The following SNX1 variants were observed in gnomAD, a reference collection of about 807,000 sequenced individuals.
SNX1 encodes sorting nexin-1.
Under a neutral mutation model 71.8 loss-of-function variants are expected in SNX1, and 36 were observed. That is an observed-to-expected ratio of 0.50 (90% CI 0.38 to 0.66). The LOEUF (loss-of-function observed/expected upper bound fraction) is 0.66. SNX1 is among the 30% of genes least tolerant of loss of function. SNX1 has a pLI of 0.00. For synonymous variants in SNX1, 254 were observed against 240.7 expected, an observed-to-expected ratio of 1.06 and a Z score of -0.51; for missense variants, 612 against 646.7, an observed-to-expected ratio of 0.95 and a Z score of 0.58.
rs564651032 is a variant in SNX1 at position 64,137,729 on chromosome 15, C to T, written c.*111C>T. 6 of 1,556,138 alleles carry T rather than the reference C, an allele frequency of 3.9e-6. No homozygotes were observed. The highest frequency in any genetic ancestry group is 5.2e-6 in the Non-Finnish European group (6 of 1,145,732). ...ATCCTGCCTAGGCTGGACTTAACCCCTTCCTCCCTGTCCCCACGACCAACT... is the reference window on the plus strand; with the variant it reads ...ATCCTGCCTAGGCTGGACTTAACCCTTTCCTCCCTGTCCCCACGACCAACT... On this transcript the variant is annotated 3_prime_UTR_variant, in exon 15 of 15. Coordinates refer to ENST00000559844, the MANE Select transcript of SNX1 (RefSeq NM_003099.5).
chr15:64,137,704 A>C lies in SNX1; in HGVS notation c.*86A>C. The C allele has an allele frequency of 6.2e-7, 1 of 1,600,398 alleles. No individual in the cohort carries two copies. The highest frequency in any genetic ancestry group is 8.5e-7 in the Non-Finnish European group (1 of 1,171,562). On this transcript the variant is annotated 3_prime_UTR_variant, in exon 15 of 15. Transcript: ENST00000559844. ...CACCTTGATGGACCCCTAGTGATGC[A>C]TCCTGCCTAGGCTGGACTTAACCCC...
At chr15:64,118,617 C>T (rs72755086) in intron 3 of SNX1, among the ~76,000 whole-genome samples, 171 bp from the exon 4 acceptor site, 4,652 of 152,254 alleles carry the variant, frequency 0.031, 104 homozygotes, top group Non-Finnish European at 0.05. Flanking sequence ...TAAGCTGGCT[C>T]CTAATTTAAA....
At position 64,096,079 on chromosome 15, in the gene SNX1, G is replaced by A. The variant is rs752282471; in HGVS notation, c.66G>A (p.Glu22=). 3.2e-6 allele frequency: 5 copies of A among 1,576,738 alleles called. No homozygotes were observed. In the South Asian group the frequency reaches 5.8e-5, roughly 18 times the overall value. Residue 22 remains glutamate, a synonymous_variant, in exon 1 of 15, where the codon GAG becomes GAA. Coordinates refer to ENST00000559844, the MANE Select transcript of SNX1 (RefSeq NM_003099.5). The part of the protein sequence containing the change: ...ERLPPPFPGL[E]PESEGAAGGS... Reference sequence around the variant, plus strand: ...TGCCTCCGCCCTTCCCCGGCCTGGAGCCGGAGTCCGAGGGGGCGGCCGGGG... The same window carrying A: ...TGCCTCCGCCCTTCCCCGGCCTGGAACCGGAGTCCGAGGGGGCGGCCGGGG...
Position 64,136,352 on chromosome 15 carries a change from A to G in SNX1, c.1388A>G (p.Tyr463Cys). Reference protein sequence around the residue: ...ILEWESRVTQYERDFERISTV... With the variant: ...ILEWESRVTQCERDFERISTV... ...CAGTGGGAGTCTCGGGTGACTCAATATGAAAGGGACTTCGAGAGGATTTCA... is the reference window on the plus strand; with the variant it reads ...CAGTGGGAGTCTCGGGTGACTCAATGTGAAAGGGACTTCGAGAGGATTTCA... Residue 463 changes from tyrosine (Y) to cysteine (C), a missense_variant, in exon 13 of 15, where the codon TAT (tyrosine) becomes TGT (cysteine). Transcript: ENST00000559844. 1.2e-6 allele frequency: 2 copies of G among 1,614,100 alleles called. No homozygotes were observed. The highest frequency in any genetic ancestry group is 2.2e-5 in the East Asian group (1 of 44,884).
chr15:64,125,141 C>T (rs62024174), intron 5 of SNX1, among the ~76,000 whole-genome samples: 11,293 of 152,144 alleles, frequency 0.074, 1,314 homozygotes, highest in African/African-American at 0.25. Flanking sequence ...AGTTTGGCTG[C>T]TGTAATTCCA....
chr15:64,105,891 T>C (rs2081016014), intron 1 of SNX1, among the ~76,000 whole-genome samples: 1 of 152,216 alleles, frequency 6.6e-6, no homozygotes, highest in Admixed American at 6.5e-5. Flanking sequence ...ATCTCAGAAG[T>C]TCTTTACCTT....
intron 11 of SNX1, among the ~76,000 whole-genome samples, chr15:64,132,661 C>T (rs925775461): frequency 6.6e-5 from 10 of 152,320 alleles, no homozygotes; most frequent in Admixed American, 2.6e-4. Flanking sequence ...TCCTTGATTT[C>T]GCTTGGGATC....
chr15:64,096,099 C>G lies in SNX1; in HGVS notation c.86C>G (p.Ala29Gly). 1 of 1,565,860 alleles carries G rather than the reference C, an allele frequency of 6.4e-7. No individual in the cohort carries two copies. Among genetic ancestry groups the G allele is most frequent in the African/African-American group, 1.3e-5 (1 of 74,260 alleles). ...CTGGAGCCGGAGTCCGAGGGGGCGG[C>G]CGGGGGATCAGAACCCGAGGCTGGG... is the stretch of plus-strand genomic sequence containing the variant. ...PGLEPESEGA[A>G]GGSEPEAGDS... The change falls in exon 1 of 15, where the codon GCC (alanine) becomes GGC (glycine). Residue 29 changes from alanine (A) to glycine (G), a missense_variant. Around this residue, in one of 2 missense-constraint regions of SNX1, gnomAD observed 316 missense variants for 284.9 expected, o/e 1.11. Transcript: ENST00000559844.
intron 1 of SNX1, among the ~76,000 whole-genome samples, chr15:64,097,042 C>G (rs1229330506): frequency 6.6e-6 from 1 of 152,252 alleles, no homozygotes; most frequent in Non-Finnish European, 1.5e-5. Flanking sequence ...GCAAGGGGCT[C>G]AAGAGCCCAC....
chr15:64,106,712 C>A (rs865971305), intron 1 of SNX1, among the ~76,000 whole-genome samples: 1 of 152,030 alleles, frequency 6.6e-6, no homozygotes, highest in East Asian at 1.9e-4. Flanking sequence ...ATGGAAGAGA[C>A]GCAAAGAGAT....
rs891845160 is a variant in SNX1 at position 64,118,784 on chromosome 15, A to G, written c.400-4A>G. 3.7e-6 allele frequency: 6 copies of G among 1,611,636 alleles called. No homozygotes were observed. Among genetic ancestry groups the G allele is most frequent in the Non-Finnish European group, 5.1e-6 (6 of 1,178,318 alleles). ...CTCTCATGATTTGTCTTTTCTTGAA[A>G]AAGCTAGAGGAAGAAGAACAGGAGG... On this transcript the variant is annotated splice_polypyrimidine_tract_variant and splice_region_variant and intron_variant, in intron 3 of 14. Transcript: ENST00000559844.
chr15:64,137,459 G>A (rs1213961502), intron 14 of SNX1, 109 bp from the exon 15 acceptor site: 2 of 1,206,834 alleles, frequency 1.7e-6, no homozygotes, highest in African/African-American at 1.5e-5. Flanking sequence ...CTGCCTTTGT[G>A]TGGCAGGCGC....
At chr15:64,104,177 G>GATC (rs2080993177) in intron 1 of SNX1, among the ~76,000 whole-genome samples, 2 of 151,416 alleles carry the variant, frequency 1.3e-5, no homozygotes, top group Admixed American at 6.6e-5. Flanking sequence ...TTAATTTCTT[G>GATC]ATCATTGTAT....
chr15:64,127,700 A>G (rs928639341), intron 7 of SNX1, 31 bp from the exon 8 acceptor site: 2 of 1,574,064 alleles, frequency 1.3e-6, no homozygotes, highest in East Asian at 2.2e-5. Context: ...GGCCAGCTCA[A>G]CTAACCAGAT....
chr15:64,110,219 T>C (rs2081065086), intron 1 of SNX1, among the ~76,000 whole-genome samples: 1 of 152,166 alleles, frequency 6.6e-6, no homozygotes, highest in African/African-American at 2.4e-5. Flanking sequence ...GTAAGAGAAC[T>C]ACAGAAAAAA....
At chr15:64,099,359 T>A (rs898529350) in intron 1 of SNX1, among the ~76,000 whole-genome samples, 1 of 152,234 alleles carries the variant, frequency 6.6e-6, no homozygotes, top group Non-Finnish European at 1.5e-5. Context: ...AAAGAGTGCT[T>A]ACTTTTTGAG....
chr15:64,117,868 G>C (rs988744285), intron 2 of SNX1, among the ~76,000 whole-genome samples: 1 of 152,162 alleles, frequency 6.6e-6, no homozygotes, highest in East Asian at 1.9e-4. Flanking sequence ...ATAAATTCTA[G>C]GTAGGAGAGG....
Position 64,141,046 on chromosome 15 carries a change from A to G in SNX1, c.*3428A>G, listed in dbSNP as rs968898445. ...ATAGATGATAGATATAGATAGATAGATAGATTGATTGATTTGTAGAAACAA... is the reference window on the plus strand; with the variant it reads ...ATAGATGATAGATATAGATAGATAGGTAGATTGATTGATTTGTAGAAACAA... On this transcript the variant is annotated 3_prime_UTR_variant, in exon 15 of 15. Transcript: ENST00000559844. The surrounding 1 kb of genome is among the most constrained non-coding windows in gnomAD (Gnocchi z 5.1). 2.1e-5 allele frequency: 3 copies of G among 143,034 alleles called. No homozygotes were observed. In the East Asian group the frequency reaches 5.8e-4, roughly 28 times the overall value. 8.9% of individuals were successfully genotyped at this position (143,034 alleles called of 1,614,324 possible).
intron 1 of SNX1, among the ~76,000 whole-genome samples, chr15:64,106,072 GAGATGAGC>G (rs2081018309): frequency 6.6e-6 from 1 of 152,006 alleles, no homozygotes; most frequent in East Asian, 1.9e-4. Flanking sequence ...TACTTAAATA[GAGATGAGC>G]ATAAATGAGA....
Sources: gnomAD v4.1 joint callset for allele counts (sites outside exome capture counted in the v4.1 genomes callset) on GRCh38, gnomAD v4.1.1 for gene constraint, gnomAD v4.1.1 regional missense constraint, Gnocchi (gnomAD v3.1) non-coding constraint, MANE v1.5 for transcripts, NCBI Gene and HGNC (gene_info 2026-07-23, HGNC 2026-07-21) for gene names.